Variants in C2orf92 observed in about 807,000 individuals in gnomAD.
The protein encoded by C2orf92 is uncharacterized protein C2orf92.
At chr2:97,699,611 AT>A (rs1313548385) in intron 6 of C2orf92, among the ~76,000 whole-genome samples, 4 of 152,188 alleles carry the variant, frequency 2.6e-5, no homozygotes, top group Non-Finnish European at 5.9e-5. Context: ...ATCTAAAAAA[AT>A]AAATAAATAA....
chr2:97,681,106 CAAAAAAAAAAAAAAA>C (rs58856044), intron 3 of C2orf92, among the ~76,000 whole-genome samples: 5 of 11,968 alleles, frequency 4.2e-4, no homozygotes, highest in Non-Finnish European at 1.2e-3. Flanking sequence ...GACTCCATCT[CAAAAAAAAAAAAAAA>C]AAAAAAAAAA....
intron 5 of C2orf92, among the ~76,000 whole-genome samples, chr2:97,695,425 G>A (rs1213789674): frequency 6.6e-6 from 1 of 152,134 alleles, no homozygotes; most frequent in East Asian, 1.9e-4. Context: ...AAATTCTTGT[G>A]CTGGTTTTTT....
chr2:97,702,880 AAT>A lies in C2orf92; in HGVS notation c.*80_*81del. 2.5e-6 allele frequency: 1 copy of A among 398,348 alleles called. No individual in the cohort carries two copies. Among genetic ancestry groups the A allele is most frequent in the Non-Finnish European group, 4.4e-6 (1 of 225,770 alleles). 24.7% of individuals were successfully genotyped at this position (398,348 alleles called of 1,614,324 possible). On this transcript the variant is annotated 3_prime_UTR_variant, in exon 8 of 8. Transcript: ENST00000627399. ...CTCCATCTGCGCACCACAGGGAGGC[AAT>A]TCCATTTCTGCCCGGGAGGTGTATT...
upstream of C2orf92, among the ~76,000 whole-genome samples, chr2:97,666,213 G>C (rs903605316): frequency 2.0e-5 from 3 of 151,182 alleles, no homozygotes; most frequent in African/African-American, 7.3e-5. Flanking sequence ...CATGGGTTGG[G>C]ACTAGCAAGG....
chr2:97,679,400 C>G (rs1485515698), intron 3 of C2orf92, among the ~76,000 whole-genome samples: 1 of 152,130 alleles, frequency 6.6e-6, no homozygotes, highest in African/African-American at 2.4e-5. Flanking sequence ...TGTTTGTATA[C>G]TATTGAAACT....
rs548924640 is a variant in C2orf92, at chr2:97,688,343, T to TTC, written c.233-550_233-549dup. On this transcript the variant is annotated intron_variant, in intron 3 of 7. Transcript: ENST00000627399. ...ATGAGTGGGCTTTGTGAGGGCTGTT[T>TTC]TCTGTGACTTAGCAAGGAAAGCCTA... Among the ~76,000 whole-genome samples, 21 of 152,122 alleles carry TTC rather than the reference T, an allele frequency of 1.4e-4. No homozygotes were observed. In the East Asian group the frequency reaches 3.1e-3, roughly 22 times the overall value.
At chr2:97,677,319 T>C (rs1015187792) in intron 3 of C2orf92, 1 of 152,158 alleles carries the variant, frequency 6.6e-6, no homozygotes, top group African/African-American at 2.4e-5. Context: ...CATTATTAAA[T>C]GCCAGTTAAA....
chr2:97,674,398 T>C lies in C2orf92; in HGVS notation c.47-58T>C, dbSNP rs72493444. On this transcript the variant is annotated intron_variant, in intron 1 of 7. Coordinates refer to ENST00000627399, the MANE Select transcript of C2orf92 (RefSeq NM_001351368.2). ...TGCATTCATTGTATTCATAGTCTGCTTTAGGTACTTAGCAAAATATTGCTG... is the reference window on the plus strand; with the variant it reads ...TGCATTCATTGTATTCATAGTCTGCCTTAGGTACTTAGCAAAATATTGCTG... 1.9e-3 allele frequency: 763 copies of C among 398,350 alleles called. 1 individual carries two copies. Among genetic ancestry groups the C allele is most frequent in the African/African-American group, 0.012 (568 of 48,766 alleles). The allele number at this position is 398,350 out of a possible 1,614,324, so 24.7% of individuals were successfully genotyped here. A position where few individuals can be genotyped will look rare whatever the true frequency, so the allele number is the denominator to read the frequency against.
upstream of C2orf92, among the ~76,000 whole-genome samples, chr2:97,667,215 A>G (rs1213088982): frequency 2.6e-5 from 4 of 151,166 alleles, no homozygotes; most frequent in African/African-American, 4.9e-5. Flanking sequence ...GTAGACTGTT[A>G]TATGCATGAA....
rs1675512329 is a variant in C2orf92 at position 97,674,485 on chromosome 2, G to A, written c.76G>A (p.Val26Ile). Residue 26 changes from valine (V) to isoleucine (I), a missense_variant, in exon 2 of 8, where the codon GTT becomes ATT. By Grantham distance (29) the Val-to-Ile change is conservative (BLOSUM62 3). Coordinates refer to ENST00000627399, the MANE Select transcript of C2orf92 (RefSeq NM_001351368.2). ...DEIVLQVFSK[V>I]PYDPSFDETR... ...AATTGTGCTCCAAGTGTTTTCCAAG[G>A]TTCCGTATGACCCATCATTTGATGA... 2 of 398,382 alleles carry A rather than the reference G, an allele frequency of 5.0e-6. No homozygotes were observed. The highest frequency in any genetic ancestry group is 4.1e-5 in the African/African-American group (2 of 48,586). 24.7% of individuals were successfully genotyped at this position (398,382 alleles called of 1,614,324 possible). A position where few individuals can be genotyped will look rare whatever the true frequency, so the allele number is the denominator to read the frequency against.
chr2:97,667,520 C>A (rs1675274082), upstream of C2orf92, among the ~76,000 whole-genome samples: 1 of 151,202 alleles, frequency 6.6e-6, no homozygotes, highest in Non-Finnish European at 1.5e-5. Context: ...GCAAGCTCCG[C>A]CTCCCGGGTT....
intron 3 of C2orf92, among the ~76,000 whole-genome samples, chr2:97,687,409 T>TACC (rs897502034): frequency 6.6e-5 from 10 of 152,142 alleles, no homozygotes; most frequent in African/African-American, 2.2e-4. Context: ...AAGTGTATTT[T>TACC]ACCACCACCA....
rs1434401900 is a variant in C2orf92 at position 97,671,540 on chromosome 2, G to A, written c.46+1706G>A. The A allele has an allele frequency of 2.3e-5, 9 of 398,526 alleles. No homozygotes were observed. In the Admixed American group the frequency reaches 4.0e-4, roughly 18 times the overall value. The allele number at this position is 398,526 out of a possible 1,614,324, so 24.7% of individuals were successfully genotyped here. A position where few individuals can be genotyped will look rare whatever the true frequency, so the allele number is the denominator to read the frequency against. ...CCCTGTGGAACCTCAGGCTGGATTT[G>A]AAGAGTTGCGTGCATGGTCCTCATT... On this transcript the variant is annotated intron_variant, in intron 1 of 7. Transcript: ENST00000627399.
chr2:97,683,076 C>CCACACACACACACA (rs760650490), intron 3 of C2orf92, among the ~76,000 whole-genome samples: 186 of 143,268 alleles, frequency 1.3e-3, no homozygotes, highest in East Asian at 2.3e-3. Context: ...CATATAGACT[C>CCACACACACACACA]CACACACACA....
At chr2:97,677,101 AT>A (rs1224919875) in intron 3 of C2orf92, among the ~76,000 whole-genome samples, 2 of 152,182 alleles carry the variant, frequency 1.3e-5, no homozygotes, top group East Asian at 3.9e-4. Context: ...GAATTTCAAC[AT>A]TTTGGGTAGT....
intron 3 of C2orf92, among the ~76,000 whole-genome samples, chr2:97,685,897 A>C (rs970155415): frequency 5.3e-5 from 8 of 152,206 alleles, no homozygotes; most frequent in African/African-American, 1.9e-4. Flanking sequence ...AAAATAACAG[A>C]TATTGGTGAG....
At chr2:97,683,477 A>G (rs1027423345) in intron 3 of C2orf92, among the ~76,000 whole-genome samples, 3 of 151,734 alleles carry the variant, frequency 2.0e-5, no homozygotes, top group Non-Finnish European at 4.4e-5. Context: ...AGGCAAGAGG[A>G]TCACTTGAGC....
chr2:97,686,730 A>T (rs1194059800), intron 3 of C2orf92, among the ~76,000 whole-genome samples: 1 of 150,826 alleles, frequency 6.6e-6, no homozygotes, highest in East Asian at 2.0e-4. Flanking sequence ...GTTTCAGTTG[A>T]TTTAAAAGTT....
chr2:97,676,153 G>A (rs1468862222), intron 3 of C2orf92, among the ~76,000 whole-genome samples: 1 of 152,080 alleles, frequency 6.6e-6, no homozygotes, highest in African/African-American at 2.4e-5. Context: ...GTGATCTATG[G>A]AGCAGGAGCA....
Sources: gnomAD v4.1 joint callset for allele counts (sites outside exome capture counted in the v4.1 genomes callset) on GRCh38, gnomAD v4.1.1 for gene constraint, MANE v1.5 for transcripts, NCBI Gene and HGNC (gene_info 2026-07-23, HGNC 2026-07-21) for gene names.